The following KDM1A variants were observed in gnomAD, a reference collection of about 807,000 sequenced individuals.
KDM1A encodes the protein lysine demethylase 1A.
KDM1A carries 49 observed loss-of-function variants against 109.4 expected under a neutral mutation model. The ratio of observed to expected loss-of-function variants is 0.45; its 90% CI spans 0.36 to 0.57. The LOEUF (loss-of-function observed/expected upper bound fraction) is 0.57. Ranked by LOEUF, KDM1A falls within the 20% of genes least tolerant of loss-of-function variation. KDM1A has a pLI of 0.00. For synonymous variants in KDM1A, 380 were observed against 415.4 expected, an observed-to-expected ratio of 0.91 and a Z score of 1.04; for missense variants, 668 against 1,116.6, an observed-to-expected ratio of 0.60 and a Z score of 5.73.
intron 7 of KDM1A, among the ~76,000 whole-genome samples, chr1:23,057,214 G>T (rs1478768209): frequency 1.3e-5 from 2 of 152,144 alleles, no homozygotes; most frequent in African/African-American, 4.8e-5. Context: ...TCTTCCAGCT[G>T]TCAAGACTGT....
chr1:23,056,437 A>T (rs1259008929), intron 7 of KDM1A, among the ~76,000 whole-genome samples: 1 of 152,136 alleles, frequency 6.6e-6, no homozygotes, highest in Non-Finnish European at 1.5e-5. Flanking sequence ...AGAAGCCAAG[A>T]TACTGGTTTT....
Position 23,053,680 on chromosome 1 carries a change from C to G in KDM1A, c.712-81C>G, listed in dbSNP as rs3753256. On this transcript the variant is annotated intron_variant, in intron 4 of 20. Coordinates refer to ENST00000400181, the MANE Select transcript of KDM1A (RefSeq NM_001009999.3). ...GGATTATAGGTGTGAGCCACTGCAGCCAGCTAAAAGATGATTTTAAAGATA... is the reference window on the plus strand; with the variant it reads ...GGATTATAGGTGTGAGCCACTGCAGGCAGCTAAAAGATGATTTTAAAGATA... 7.3e-6 allele frequency: 7 copies of G among 954,592 alleles called. No homozygotes were observed. In the East Asian group the frequency reaches 1.8e-4, roughly 25 times the overall value. 59.1% of individuals were successfully genotyped at this position (954,592 alleles called of 1,614,324 possible).
rs773938703 is a variant in KDM1A, at chr1:23,073,413, C to T, written c.1734+10C>T. The T allele has an allele frequency of 2.1e-6, 3 of 1,426,724 alleles. No homozygotes were observed. The Admixed American group carries it at 5.1e-5, about 24-fold the overall frequency. The allele number at this position is 1,426,724 out of a possible 1,614,324, so 88.4% of individuals were successfully genotyped here. A position where few individuals can be genotyped will look rare whatever the true frequency, so the allele number is the denominator to read the frequency against. ...TAAGCACTGGGATCAGGTAAGTTTC[C>T]CTTATTGTTTATTTTATTGCACATG... On this transcript the variant is annotated intron_variant, in intron 15 of 20. Coordinates refer to ENST00000400181, the MANE Select transcript of KDM1A (RefSeq NM_001009999.3).
At chr1:23,076,335 A>G (rs1313352296) in intron 15 of KDM1A, among the ~76,000 whole-genome samples, 1 of 152,084 alleles carries the variant, frequency 6.6e-6, no homozygotes, top group African/African-American at 2.4e-5. Context: ...TTCCTGGTCA[A>G]TTCCTGACTT....
At position 23,019,989 on chromosome 1, in the gene KDM1A, G is replaced by C. The variant is rs751798072; in HGVS notation, c.351+42G>C. On this transcript the variant is annotated intron_variant, in intron 1 of 20. Transcript: ENST00000400181. ...CCCTCAAACGACACCGCCTGGTGCCGAGCTTCCCCGAGGCTTCTCCGCCCT... is the reference window on the plus strand; with the variant it reads ...CCCTCAAACGACACCGCCTGGTGCCCAGCTTCCCCGAGGCTTCTCCGCCCT... The C allele has an allele frequency of 1.6e-5, 23 of 1,430,344 alleles. No individual in the cohort carries two copies. The South Asian group carries it at 3.1e-4, about 19-fold the overall frequency. 88.6% of individuals were successfully genotyped at this position (1,430,344 alleles called of 1,614,324 possible).
At chr1:23,076,559 T>TA (rs1307569856) in intron 15 of KDM1A, among the ~76,000 whole-genome samples, 3 of 152,180 alleles carry the variant, frequency 2.0e-5, no homozygotes, top group African/African-American at 7.2e-5. Flanking sequence ...GCCAGATAAA[T>TA]AAACTTGAAT....
Position 23,063,208 on chromosome 1 carries a change from GT to G in KDM1A, c.1168-2851del, listed in dbSNP as rs1643057126. Among the ~76,000 whole-genome samples the G allele has an allele frequency of 2.8e-3, 155 of 54,702 alleles. 1 individual carries two copies. Among genetic ancestry groups the G allele is most frequent in the Non-Finnish European group, 3.8e-3 (93 of 24,318 alleles). The allele number at this position is 54,702 out of a possible 152,430, so 35.9% of individuals were successfully genotyped here. ...AGTGCTGTAGCATTGGGGGGGGGGT[GT>G]GGTGTGGGGTGGGTGTGTGTGGGTG... is the stretch of plus-strand genomic sequence containing the variant. On this transcript the variant is annotated intron_variant, in intron 9 of 20. Coordinates refer to ENST00000400181, the MANE Select transcript of KDM1A (RefSeq NM_001009999.3).
At position 23,073,512 on chromosome 1, in the gene KDM1A, A is replaced by C. The variant is rs144901839; in HGVS notation, c.1734+109A>C. On this transcript the variant is annotated intron_variant, in intron 15 of 20. Coordinates refer to ENST00000400181, the MANE Select transcript of KDM1A (RefSeq NM_001009999.3). Reference sequence around the variant, plus strand: ...TTAAACAGCTTTAGTAAGAGACATCATTTACATACAGTGAAATTCACCTAT... The same window carrying C: ...TTAAACAGCTTTAGTAAGAGACATCCTTTACATACAGTGAAATTCACCTAT... The C allele has an allele frequency of 6.8e-4, 455 of 674,050 alleles. 5 individuals carry two copies. The East Asian group carries it at 0.011, about 17-fold the overall frequency. 41.8% of individuals were successfully genotyped at this position (674,050 alleles called of 1,614,324 possible). A position where few individuals can be genotyped will look rare whatever the true frequency, so the allele number is the denominator to read the frequency against.
chr1:23,048,022 G>A (rs1642552226), intron 3 of KDM1A, among the ~76,000 whole-genome samples: 1 of 152,086 alleles, frequency 6.6e-6, no homozygotes, highest in South Asian at 2.1e-4. Context: ...AATGTTCAGT[G>A]ACTACTTATT....
chr1:23,071,250 A>G lies in KDM1A; in HGVS notation c.1439A>G (p.Lys480Arg). ...NKMVNLKEKI[K>R]ELHQQYKEAS... ...ATGGTAAATTTGAAAGAGAAAATTA[A>G]AGAACTCCATCAGCAATACAAAGAA... Residue 480 changes from lysine (K) to arginine (R), a missense_variant, in exon 13 of 21, where the codon AAA becomes AGA. Around this residue, in one of 8 missense-constraint regions of KDM1A, gnomAD observed 62 missense variants for 82.8 expected, o/e 0.75. Transcript: ENST00000400181. 2 of 1,598,904 alleles carry G rather than the reference A, an allele frequency of 1.3e-6. No homozygotes were observed. Among genetic ancestry groups the G allele is most frequent in the Non-Finnish European group, 1.7e-6 (2 of 1,175,064 alleles).
At chr1:23,047,077 GAGAT>G in intron 3 of KDM1A, among the ~76,000 whole-genome samples, 1 of 152,296 alleles carries the variant, frequency 6.6e-6, no homozygotes, top group South Asian at 2.1e-4. Flanking sequence ...TCCTCTGAAA[GAGAT>G]AGGTACTCAT....
At chr1:23,042,747 C>T (rs1433879696) in intron 2 of KDM1A, among the ~76,000 whole-genome samples, 9 of 148,736 alleles carry the variant, frequency 6.1e-5, no homozygotes, top group South Asian at 2.1e-4. Context: ...CCACCGCGCC[C>T]GGCCTATTAT....
At chr1:23,026,802 G>A (rs549182044) in intron 1 of KDM1A, among the ~76,000 whole-genome samples, 24 of 152,176 alleles carry the variant, frequency 1.6e-4, no homozygotes, top group Non-Finnish European at 2.4e-4. Flanking sequence ...AGTCATCAAT[G>A]TGAAAGTAAG....
rs934800721 is a variant in KDM1A at position 23,069,133 on chromosome 1, G to A, written c.1395G>A (p.Leu465=). The A allele has an allele frequency of 1.9e-6, 3 of 1,599,778 alleles. No individual in the cohort carries two copies. The African/African-American group carries it at 4.0e-5, about 21-fold the overall frequency. ...AGATAGTGAAAACTCAGGAAGAATT[G>A]AAAGAACTTCTTAATAAGGTGAAAT... is the stretch of plus-strand genomic sequence containing the variant. ...WKKIVKTQEE[L]KELLNKMVNL... is the part of the protein sequence containing the mutation. The change falls in exon 12 of 21, where the codon TTG becomes TTA. Residue 465 remains leucine, a synonymous_variant. Transcript: ENST00000400181.
At chr1:23,055,818 T>C in intron 6 of KDM1A, 114 bp from the exon 7 acceptor site, 1 of 494,850 alleles carries the variant, frequency 2.0e-6, no homozygotes, top group Non-Finnish European at 3.5e-6. Context: ...ACTCTCTGTA[T>C]TTTTTACTTT....
chr1:23,042,440 A>ATTTTTTTTTTTTT (rs769149894), intron 2 of KDM1A, among the ~76,000 whole-genome samples: 1 of 21,560 alleles, frequency 4.6e-5, no homozygotes, highest in Non-Finnish European at 9.0e-5. Context: ...GAAATATATT[A>ATTTTTTTTTTTTT]TTTTTTTTTT....
At chr1:23,052,873 T>G (rs559320352) in intron 4 of KDM1A, among the ~76,000 whole-genome samples, 1 of 152,338 alleles carries the variant, frequency 6.6e-6, no homozygotes, top group East Asian at 1.9e-4. Context: ...CCCTTCTCAA[T>G]GCATTTGACT....
At chr1:23,075,260 A>T (rs940752191) in intron 15 of KDM1A, among the ~76,000 whole-genome samples, 3 of 152,232 alleles carry the variant, frequency 2.0e-5, no homozygotes, top group African/African-American at 7.2e-5. Flanking sequence ...TTCTTGGACC[A>T]ATCTCTAAAT....
At chr1:23,071,984 C>A in intron 13 of KDM1A, 140 bp from the exon 14 acceptor site, 1 of 600,690 alleles carries the variant, frequency 1.7e-6, no homozygotes, top group Admixed American at 3.1e-5. Flanking sequence ...CTCTATCTAA[C>A]CCCAGCCTAA....
Sources: gnomAD v4.1 joint callset for allele counts (sites outside exome capture counted in the v4.1 genomes callset) on GRCh38, gnomAD v4.1.1 for gene constraint, gnomAD v4.1.1 regional missense constraint, MANE v1.5 for transcripts, NCBI Gene and HGNC (gene_info 2026-07-23, HGNC 2026-07-21) for gene names.